Variants in TEX22 observed in about 807,000 individuals in gnomAD.
The protein encoded by TEX22 is testis-expressed protein 22.
Under a neutral mutation model 11.3 loss-of-function variants are expected in TEX22, and 16 were observed. The ratio of observed to expected loss-of-function variants is 1.42; its 90% CI spans 0.96 to 2.15. TEX22 has a LOEUF of 2.15. Among genes scored for constraint, TEX22 ranks in the 30% most tolerant of loss-of-function variants. The pLI is 0.00. For synonymous variants in TEX22, 97 were observed against 92.3 expected (o/e 1.05, Z -0.29); for missense variants, 220 against 208.6 (o/e 1.05, Z -0.34).
At chr14:105,399,138 G>A (rs2081607277) in intron 1 of TEX22, among the ~76,000 whole-genome samples, 164 bp from the exon 2 acceptor site, 1 of 152,216 alleles carries the variant, frequency 6.6e-6, no homozygotes, top group South Asian at 2.1e-4. Flanking sequence ...GGGAGCTGGG[G>A]GATCCACTCC....
At position 105,399,388 on chromosome 14, in the gene TEX22, C is replaced by CCT; in HGVS notation, c.52_53dup (p.Gln19ProfsTer11). ...CCCGGGGGAAGAAGCTGGAGTCGCA[C>CCT]CTCTCCCAAGAGCACAGGCGGCCCC... On this transcript the variant is annotated frameshift_variant, in exon 2 of 4. Transcript: ENST00000451127. LOFTEE classifies it high-confidence loss of function. The CCT allele has an allele frequency of 6.5e-7, 1 of 1,535,796 alleles. No individual in the cohort carries two copies. The highest frequency in any genetic ancestry group is 8.7e-7 in the Non-Finnish European group (1 of 1,146,802).
chr14:105,407,581 T>C (rs587718168), intron 2 of TEX22, among the ~76,000 whole-genome samples: 2 of 152,160 alleles, frequency 1.3e-5, no homozygotes, highest in Non-Finnish European at 2.9e-5. Context: ...TTGCCCAGGC[T>C]GGTCTCGAAC....
chr14:105,401,684 TAACA>T (rs1555418357), intron 2 of TEX22, among the ~76,000 whole-genome samples: 1 of 151,914 alleles, frequency 6.6e-6, no homozygotes, highest in Non-Finnish European at 1.5e-5. Flanking sequence ...GATACATATG[TAACA>T]AACCTGCATG....
At chr14:105,407,575 C>G (rs1305392962) in intron 2 of TEX22, among the ~76,000 whole-genome samples, 1 of 151,494 alleles carries the variant, frequency 6.6e-6, no homozygotes, top group Non-Finnish European at 1.5e-5. Flanking sequence ...CCTATGTTGC[C>G]CAGGCTGGTC....
At chr14:105,404,666 C>T (rs2081649898) in intron 2 of TEX22, among the ~76,000 whole-genome samples, 1 of 152,132 alleles carries the variant, frequency 6.6e-6, no homozygotes, top group African/African-American at 2.4e-5. Flanking sequence ...CATGCCTGTG[C>T]TCAGGGGAAG....
chr14:105,399,031 G>A (rs1555418039), intron 1 of TEX22, among the ~76,000 whole-genome samples: 1 of 152,254 alleles, frequency 6.6e-6, no homozygotes, highest in African/African-American at 2.4e-5. Context: ...CGTGGAGTCC[G>A]TGCAGCAGGC....
rs907305936 is a variant in TEX22 at position 105,402,705 on chromosome 14, G to T, written c.150+3215G>T. On this transcript the variant is annotated intron_variant, in intron 2 of 3. Transcript: ENST00000451127. ...CGGGAGGCGGAGCTTGCAGTGAGACGAGATTGCGCTACTGCACTCCAGCCT... is the reference window on the plus strand; with the variant it reads ...CGGGAGGCGGAGCTTGCAGTGAGACTAGATTGCGCTACTGCACTCCAGCCT... 8.7e-5 allele frequency among the ~76,000 whole-genome samples: 13 copies of T among 148,972 alleles called. No homozygotes were observed. The East Asian group carries it at 2.2e-3, about 25-fold the overall frequency.
intron 2 of TEX22, among the ~76,000 whole-genome samples, chr14:105,406,628 T>TA (rs1214817597): frequency 4.7e-5 from 7 of 149,060 alleles, no homozygotes; most frequent in African/African-American, 9.9e-5. Context: ...CCTGTATCTT[T>TA]AAAAAAAAGG....
rs151225290 is a variant in TEX22, at chr14:105,406,260, A to G, written c.151-5108A>G. On this transcript the variant is annotated intron_variant, in intron 2 of 3. Coordinates refer to ENST00000451127, the MANE Select transcript of TEX22 (RefSeq NM_001195082.2). The stretch of plus-strand genomic sequence containing the variant: ...AAGGAAAAGCCTGACAAATCTAACT[A>G]CAGAGTTTTTAAACATTTCTGTGCA... 5.8e-3 allele frequency among the ~76,000 whole-genome samples: 878 copies of G among 152,344 alleles called. 13 individuals are homozygous for G. The highest frequency in any genetic ancestry group is 0.02 in the African/African-American group (818 of 41,580).
chr14:105,404,989 A>C (rs1010260537), intron 2 of TEX22, among the ~76,000 whole-genome samples: 1 of 152,174 alleles, frequency 6.6e-6, no homozygotes, highest in Non-Finnish European at 1.5e-5. Flanking sequence ...GTGGAACTAA[A>C]GTGTTCTCAG....
intron 2 of TEX22, among the ~76,000 whole-genome samples, chr14:105,408,292 AG>A (rs2081669429): frequency 6.8e-6 from 1 of 147,532 alleles, no homozygotes; most frequent in Non-Finnish European, 1.5e-5. Flanking sequence ...ACCAGGCTGG[AG>A]TGCAGTGGCG....
intron 2 of TEX22, among the ~76,000 whole-genome samples, chr14:105,403,271 A>G (rs2081642285): frequency 6.6e-6 from 1 of 152,238 alleles, no homozygotes; most frequent in Non-Finnish European, 1.5e-5. Flanking sequence ...AAGCATCACT[A>G]TAATTATCTT....
chr14:105,400,220 T>C (rs1434439680), intron 2 of TEX22, among the ~76,000 whole-genome samples: 1 of 152,124 alleles, frequency 6.6e-6, no homozygotes, highest in Non-Finnish European at 1.5e-5. Context: ...GCCAGTTCAG[T>C]GTGGGGAGCT....
rs2081611452 is a variant in TEX22, at chr14:105,399,446, A to T, written c.106A>T (p.Ser36Cys). 2.6e-6 allele frequency: 4 copies of T among 1,535,762 alleles called. No homozygotes were observed. In the South Asian group the frequency reaches 4.8e-5, roughly 18 times the overall value. Residue 36 changes from serine to cysteine, a missense_variant, in exon 2 of 4, where the codon AGT (serine) becomes TGT (cysteine). Physicochemically the swap from Ser to Cys is moderately radical, Grantham distance 112 (BLOSUM62 -1). Transcript: ENST00000451127. ...CCTGATAGCAGCCTGGGGCCAGCCC[A>T]GTATCCAGAGCAGCGTTCAGCAGGG... is the stretch of plus-strand genomic sequence containing the variant. ...LGLIAAWGQP[S>C]IQSSVQQGLQ...
At chr14:105,401,575 A>C (rs1297245706) in intron 2 of TEX22, among the ~76,000 whole-genome samples, 18 of 97,702 alleles carry the variant, frequency 1.8e-4, no homozygotes, top group Admixed American at 6.5e-4. Context: ...CACACCGGGG[A>C]CTCTTGTGGG....
intron 2 of TEX22, among the ~76,000 whole-genome samples, chr14:105,403,567 G>A (rs1380881868): frequency 6.6e-6 from 1 of 152,166 alleles, no homozygotes; most frequent in Non-Finnish European, 1.5e-5. Flanking sequence ...GGACCACAGT[G>A]GCATGCCACC....
chr14:105,404,303 G>C (rs782446306), intron 2 of TEX22, among the ~76,000 whole-genome samples: 3 of 152,208 alleles, frequency 2.0e-5, no homozygotes, highest in Admixed American at 6.5e-5. Flanking sequence ...GCTTCCCCCA[G>C]AGTGAGTGAG....
intron 2 of TEX22, among the ~76,000 whole-genome samples, chr14:105,402,662 A>G (rs1194353884): frequency 7.3e-5 from 11 of 151,182 alleles, no homozygotes; most frequent in Admixed American, 5.3e-4. Context: ...AGGCTGAGGC[A>G]GGAGAATGGC....
In TEX22 at chr14:105,399,360, C is replaced by G. The variant is rs1311253989; in HGVS notation, c.20C>G (p.Ser7Cys). 2 of 1,532,738 alleles carry G rather than the reference C, an allele frequency of 1.3e-6. No individual in the cohort carries two copies. The highest frequency in any genetic ancestry group is 1.7e-6 in the Non-Finnish European group (2 of 1,145,182). 94.9% of individuals were successfully genotyped at this position (1,532,738 alleles called of 1,614,324 possible). The change falls in exon 2 of 4, where the codon TCC (serine) becomes TGC (cysteine). Residue 7 changes from serine to cysteine, a missense_variant. By Grantham distance (112) the Ser-to-Cys change is moderately radical (BLOSUM62 -1). Transcript: ENST00000451127. Reference sequence around the variant, plus strand: ...CTAGAGATGGACAGCAGGAAACTGTCCCCCCGGGGGAAGAAGCTGGAGTCG... The same window carrying G: ...CTAGAGATGGACAGCAGGAAACTGTGCCCCCGGGGGAAGAAGCTGGAGTCG... Reference protein sequence around the residue: MDSRKLSPRGKKLESHL... With the variant: MDSRKLCPRGKKLESHL...
Sources: allele counts gnomAD v4.1 joint callset (sites outside exome capture counted in the v4.1 genomes callset), GRCh38; gene constraint gnomAD v4.1.1; transcripts MANE v1.5; gene names NCBI Gene and HGNC (gene_info 2026-07-23, HGNC 2026-07-21).